The following ATP1A1 variants were observed in gnomAD, a reference collection of about 807,000 sequenced individuals.
The protein encoded by ATP1A1 is ATPase Na+/K+ transporting subunit alpha 1.
In ATP1A1, 14 loss-of-function variants were observed where a neutral mutation model predicts 114.8. The observed-to-expected ratio is 0.12, with a 90% CI of 0.08 to 0.19. The LOEUF is 0.19. Ranked by LOEUF, ATP1A1 falls within the 10% of genes least tolerant of loss-of-function variation. The pLI, the probability that ATP1A1 is intolerant of heterozygous loss-of-function variation, is 1.00. For missense variants in ATP1A1, 524 were observed against 1,290.7 expected, an observed-to-expected ratio of 0.41 and a Z score of 9.10; for synonymous variants, 471 against 466.3, an observed-to-expected ratio of 1.01 and a Z score of -0.13.
At chr1:116,403,306 G>T (rs1653676325) in intron 21 of ATP1A1, among the ~76,000 whole-genome samples, 2 of 152,140 alleles carry the variant, frequency 1.3e-5, no homozygotes, top group Admixed American at 1.3e-4. Flanking sequence ...CTGTCAGCAG[G>T]CTAGAGACTG....
Position 116,401,418 on chromosome 1 carries a change from GT to G in ATP1A1, c.2850-130del. On this transcript the variant is annotated intron_variant, in intron 20 of 22. Coordinates refer to ENST00000295598, the MANE Select transcript of ATP1A1 (RefSeq NM_000701.8). The surrounding 1 kb of genome is among the most constrained non-coding windows in gnomAD (Gnocchi z 4.7). ...AGGAAGCAAGAAATGTAGCTTTCTA[GT>G]TTTTTCATCTGACCTCCAAGTTTTC... is the stretch of plus-strand genomic sequence containing the variant. 1 of 1,463,278 alleles carries G rather than the reference GT, an allele frequency of 6.8e-7. No homozygotes were observed. 90.6% of individuals were successfully genotyped at this position (1,463,278 alleles called of 1,614,324 possible).
rs191959614 is a variant in ATP1A1 at position 116,380,486 on chromosome 1, C to T, written c.13-3528C>T. On this transcript the variant is annotated intron_variant, in intron 1 of 22. Transcript: ENST00000295598. ...CCTTTGGCGGTGGCTATAGCTTATG[C>T]AGACCTGAAGCAATATACCTCTGGG... 1.3e-3 allele frequency among the ~76,000 whole-genome samples: 193 copies of T among 152,314 alleles called. 1 individual carries two copies. Among genetic ancestry groups the T allele is most frequent in the African/African-American group, 4.4e-3 (182 of 41,574 alleles).
chr1:116,403,855 T>C (rs1236608484), intron 21 of ATP1A1, 29 bp from the exon 22 acceptor site: 20 of 1,558,926 alleles, frequency 1.3e-5, no homozygotes, highest in Non-Finnish European at 1.7e-5. Context: ...TTCGTGTGCA[T>C]ATAAATTGGT....
intron 3 of ATP1A1, among the ~76,000 whole-genome samples, chr1:116,386,501 C>T (rs1652104494): frequency 1.3e-5 from 2 of 152,116 alleles, no homozygotes; most frequent in African/African-American, 2.4e-5. Flanking sequence ...TGTTTGGTAA[C>T]ATGAGCACAA....
chr1:116,385,269 A>G lies in ATP1A1; in HGVS notation c.183+427A>G. Reference sequence around the variant, plus strand: ...TAGCCCATTGCAGTGTGTTATGGTTATACTATCATTTGTTTAGTTATTCTA... The same window carrying G: ...TAGCCCATTGCAGTGTGTTATGGTTGTACTATCATTTGTTTAGTTATTCTA... On this transcript the variant is annotated intron_variant, in intron 3 of 22. Coordinates refer to ENST00000295598, the MANE Select transcript of ATP1A1 (RefSeq NM_000701.8). This position sits in a 1 kb window ranked among gnomAD's most constrained non-coding sequence, Gnocchi z 4.3. 5.9e-6 allele frequency: 1 copy of G among 168,156 alleles called. No individual in the cohort carries two copies. The highest frequency in any genetic ancestry group is 1.3e-5 in the Non-Finnish European group (1 of 78,966). 10.4% of individuals were successfully genotyped at this position (168,156 alleles called of 1,614,324 possible).
rs561608437 is a variant in ATP1A1 at position 116,381,979 on chromosome 1, A to T, written c.13-2035A>T. 4.5e-4 allele frequency among the ~76,000 whole-genome samples: 68 copies of T among 152,304 alleles called. 1 individual carries two copies. Among genetic ancestry groups the T allele is most frequent in the Non-Finnish European group, 2.8e-4 (19 of 68,020 alleles). ...ATCATGAGGTAAGGAGTTCAAGACC[A>T]GCCTGGCCAAGATGGTGAAACCCCG... On this transcript the variant is annotated intron_variant, in intron 1 of 22. Transcript: ENST00000295598. This position sits in a 1 kb window ranked among gnomAD's most constrained non-coding sequence, Gnocchi z 5.1.
chr1:116,377,525 G>A (rs531378489), intron 1 of ATP1A1, among the ~76,000 whole-genome samples: 5 of 152,294 alleles, frequency 3.3e-5, no homozygotes, highest in South Asian at 2.1e-4. Flanking sequence ...TGTTATCTTC[G>A]CTCAACAAGC....
rs1429384765 is a variant in ATP1A1, at chr1:116,384,020, C to A, written c.19C>A (p.Arg7Ser). The A allele has an allele frequency of 1.9e-6, 3 of 1,613,496 alleles. No individual in the cohort carries two copies. The highest frequency in any genetic ancestry group is 2.5e-6 in the Non-Finnish European group (3 of 1,179,680). The change falls in exon 2 of 23, where the codon CGT (arginine) becomes AGT (serine). Residue 7 changes from arginine to serine, a missense_variant. By Grantham distance (110) the Arg-to-Ser change is moderately radical. Around this residue, in one of 8 missense-constraint regions of ATP1A1, gnomAD observed 33 missense variants for 31.2 expected, o/e 1.06. Transcript: ENST00000295598. The surrounding 1 kb of genome is among the most constrained non-coding windows in gnomAD (Gnocchi z 5.1). ...TTCCCACATTCTCCTACAGGTTGGA[C>A]GTGATAAGTATGAGCCTGCAGCTGT... is the stretch of plus-strand genomic sequence containing the variant. MGKGVG[R>S]DKYEPAAVSE... is the part of the protein sequence containing the mutation.
At position 116,389,805 on chromosome 1, in the gene ATP1A1, A is replaced by G. The variant is rs1052753069; in HGVS notation, c.1023+98A>G. On this transcript the variant is annotated intron_variant, in intron 8 of 22. Transcript: ENST00000295598. The surrounding 1 kb of genome is among the most constrained non-coding windows in gnomAD (Gnocchi z 6.9). ...CTAAGGTATTGCCAACTTATGTTTT[A>G]TTCTGGATGTTTGATATAGTTCTTC... 6.7e-7 allele frequency: 1 copy of G among 1,494,224 alleles called. No individual in the cohort carries two copies. The highest frequency in any genetic ancestry group is 9.0e-7 in the Non-Finnish European group (1 of 1,107,264). 92.6% of individuals were successfully genotyped at this position (1,494,224 alleles called of 1,614,324 possible). A position where few individuals can be genotyped will look rare whatever the true frequency, so the allele number is the denominator to read the frequency against.
chr1:116,383,359 T>G, intron 1 of ATP1A1: 1 of 1,049,650 alleles, frequency 9.5e-7, no homozygotes, highest in Non-Finnish European at 1.2e-6. Flanking sequence ...GCACTAAAGA[T>G]ATTTAAATTT....
chr1:116,396,225 A>G lies in ATP1A1; in HGVS notation c.1837-373A>G, dbSNP rs75348093. Among the ~76,000 whole-genome samples, 1,373 of 150,560 alleles carry G rather than the reference A, an allele frequency of 9.1e-3. 27 individuals carry two copies. The highest frequency in any genetic ancestry group is 0.032 in the African/African-American group (1,308 of 40,908). ...CAAGTTGTGCCAATTTGAGAATGCT[A>G]GCCAGTAGCATGTGGTGTCTTCACA... On this transcript the variant is annotated intron_variant, in intron 13 of 22. Coordinates refer to ENST00000295598, the MANE Select transcript of ATP1A1 (RefSeq NM_000701.8).
rs772629067 is a variant in ATP1A1, at chr1:116,395,650, T to C, written c.1836+365T>C. On this transcript the variant is annotated intron_variant, in intron 13 of 22. Coordinates refer to ENST00000295598, the MANE Select transcript of ATP1A1 (RefSeq NM_000701.8). This position sits in a 1 kb window ranked among gnomAD's most constrained non-coding sequence, Gnocchi z 6.4. The stretch of plus-strand genomic sequence containing the variant: ...TAACTGTTTGTTAATGAGTGTTTGG[T>C]GTCCTCTGTGTATCTGTCTTTTTTT... Among the ~76,000 whole-genome samples the C allele has an allele frequency of 6.6e-6, 1 of 152,244 alleles. No homozygotes were observed. Among genetic ancestry groups the C allele is most frequent in the Non-Finnish European group, 1.5e-5 (1 of 68,042 alleles).
At chr1:116,376,296 C>G (rs1441880640) in intron 1 of ATP1A1, among the ~76,000 whole-genome samples, 3 of 152,192 alleles carry the variant, frequency 2.0e-5, no homozygotes, top group East Asian at 3.8e-4. Context: ...GGGGGATGCA[C>G]ATGTCAGCAG....
At chr1:116,380,662 G>A (rs1651686109) in intron 1 of ATP1A1, among the ~76,000 whole-genome samples, 1 of 152,224 alleles carries the variant, frequency 6.6e-6, no homozygotes, top group African/African-American at 2.4e-5. Flanking sequence ...TGTGAGGACT[G>A]TGAGGATTCG....
Position 116,387,147 on chromosome 1 carries a change from C to G in ATP1A1, c.184-141C>G, listed in dbSNP as rs991882731. 73 of 962,242 alleles carry G rather than the reference C, an allele frequency of 7.6e-5. No individual in the cohort carries two copies. The highest frequency in any genetic ancestry group is 6.6e-4 in the Middle Eastern group (2 of 3,028). The allele number at this position is 962,242 out of a possible 1,614,324, so 59.6% of individuals were successfully genotyped here. A position where few individuals can be genotyped will look rare whatever the true frequency, so the allele number is the denominator to read the frequency against. On this transcript the variant is annotated intron_variant, in intron 3 of 22. Transcript: ENST00000295598. This position sits in a 1 kb window ranked among gnomAD's most constrained non-coding sequence, Gnocchi z 6.7. ...GCAGAATTATTCATGGAGGAATTTGCTAGGTTTTACCTTGGCTCTCTAGCT... is the reference window on the plus strand; with the variant it reads ...GCAGAATTATTCATGGAGGAATTTGGTAGGTTTTACCTTGGCTCTCTAGCT...
At chr1:116,375,967 G>C (rs1651339408) in intron 1 of ATP1A1, among the ~76,000 whole-genome samples, 1 of 152,150 alleles carries the variant, frequency 6.6e-6, no homozygotes, top group Non-Finnish European at 1.5e-5. Context: ...AACAGCTCTT[G>C]CTGAATCATT....
At chr1:116,379,478 C>T (rs1651597296) in intron 1 of ATP1A1, among the ~76,000 whole-genome samples, 1 of 152,226 alleles carries the variant, frequency 6.6e-6, no homozygotes, top group Non-Finnish European at 1.5e-5. Flanking sequence ...TCCCTTAGCC[C>T]TCCAGTCCCT....
At chr1:116,378,823 T>C (rs910618856) in intron 1 of ATP1A1, among the ~76,000 whole-genome samples, 2 of 152,098 alleles carry the variant, frequency 1.3e-5, no homozygotes, top group Admixed American at 6.5e-5. Context: ...TGATTATTAA[T>C]CAGTTGTCTC....
rs1464271495 is a variant in ATP1A1 at position 116,384,540 on chromosome 1, T to C, written c.124-243T>C. ...GCTGCTGGGTTTCTCTGAAGTGTTA[T>C]GGCAAATAGTAATGGGCCACGGTCA... On this transcript the variant is annotated intron_variant, in intron 2 of 22. Transcript: ENST00000295598. This position sits in a 1 kb window ranked among gnomAD's most constrained non-coding sequence, Gnocchi z 5.1. Among the ~76,000 whole-genome samples the C allele has an allele frequency of 6.6e-6, 1 of 152,222 alleles. No homozygotes were observed. The highest frequency in any genetic ancestry group is 2.4e-5 in the African/African-American group (1 of 41,458).
Sources: gnomAD v4.1 joint callset for allele counts (sites outside exome capture counted in the v4.1 genomes callset) on GRCh38, gnomAD v4.1.1 for gene constraint, gnomAD v4.1.1 regional missense constraint, Gnocchi (gnomAD v3.1) non-coding constraint, MANE v1.5 for transcripts, NCBI Gene and HGNC (gene_info 2026-07-23, HGNC 2026-07-21) for gene names.